The following GDAP1 variants were observed in gnomAD, a reference collection of about 807,000 sequenced individuals.
The protein encoded by GDAP1 is ganglioside-induced differentiation-associated protein 1.
In GDAP1, 34 loss-of-function variants were observed where a neutral mutation model predicts 40.1. The ratio of observed to expected loss-of-function variants is 0.85; its 90% CI spans 0.64 to 1.13. The LOEUF (loss-of-function observed/expected upper bound fraction) is 1.13, where lower values mean the gene tolerates loss of function less well. Ranked by LOEUF, GDAP1 falls within the 50% of genes most tolerant of loss-of-function variation. The probability of loss-of-function intolerance (pLI) is 0.00; values close to 1 mark genes in which losing one functional copy is unlikely to be tolerated. For synonymous variants in GDAP1, 170 were observed against 157.4 expected, an observed-to-expected ratio of 1.08 and a Z score of -0.60; for missense variants, 374 against 433.7, an observed-to-expected ratio of 0.86 and a Z score of 1.22.
downstream of GDAP1, among the ~76,000 whole-genome samples, chr8:74,369,854 T>C (rs867903818): frequency 4.7e-4 from 71 of 152,158 alleles, no homozygotes; most frequent in African/African-American, 1.6e-3. Flanking sequence ...GATAAGAATG[T>C]GTGCTGACTT....
intron 2 of GDAP1, among the ~76,000 whole-genome samples, chr8:74,396,143 A>C: frequency 6.6e-6 from 1 of 152,166 alleles, no homozygotes; most frequent in East Asian, 1.9e-4. Context: ...TGGAATTTAC[A>C]TTATAATTTT....
At chr8:74,482,119 T>TGGGG (rs112227784) in intron 2 of GDAP1, among the ~76,000 whole-genome samples, 1 of 70,648 alleles carries the variant, frequency 1.4e-5, no homozygotes, top group Non-Finnish European at 3.9e-5. Context: ...GGTTTTTTTT[T>TGGGG]GGGGGGGGGG....
intron 2 of GDAP1, among the ~76,000 whole-genome samples, chr8:74,431,658 T>C (rs977790631): frequency 1.3e-5 from 2 of 151,980 alleles, no homozygotes; most frequent in Non-Finnish European, 2.9e-5. Context: ...ATTTTTTGTA[T>C]TTTTAGTAGA....
chr8:74,449,554 A>T (rs181350822), intron 2 of GDAP1, among the ~76,000 whole-genome samples: 64 of 151,914 alleles, frequency 4.2e-4, no homozygotes, highest in African/African-American at 1.3e-3. Flanking sequence ...TGTTAAATTT[A>T]TTCCCAAGTA....
chr8:74,447,656 G>A (rs1806248679), intron 2 of GDAP1, among the ~76,000 whole-genome samples: 1 of 152,078 alleles, frequency 6.6e-6, no homozygotes, highest in African/African-American at 2.4e-5. Flanking sequence ...CACCCACAAA[G>A]GGTAATAAAA....
At chr8:74,391,186 A>G (rs1810102893) in intron 2 of GDAP1, among the ~76,000 whole-genome samples, 1 of 151,834 alleles carries the variant, frequency 6.6e-6, no homozygotes, top group South Asian at 2.1e-4. Context: ...AGGGTAGTGA[A>G]CGGTTCGGTC....
chr8:74,415,805 A>G (rs1160585002), intron 2 of GDAP1, among the ~76,000 whole-genome samples: 1 of 149,964 alleles, frequency 6.7e-6, no homozygotes, highest in Admixed American at 6.6e-5. Flanking sequence ...CTCAGGTGGC[A>G]GTCACTGGTT....
chr8:74,419,280 G>A (rs1218844314), intron 2 of GDAP1, among the ~76,000 whole-genome samples: 2 of 152,150 alleles, frequency 1.3e-5, no homozygotes, highest in South Asian at 2.1e-4. Flanking sequence ...CCATCCAAAT[G>A]TCTTCCAACA....
chr8:74,469,949 G>A (rs1370253862), intron 2 of GDAP1, among the ~76,000 whole-genome samples: 2 of 151,818 alleles, frequency 1.3e-5, no homozygotes, highest in East Asian at 1.9e-4. Flanking sequence ...ACTCCAGCCT[G>A]GGCAACAAGA....
At chr8:74,423,776 A>G (rs1376637110) in intron 2 of GDAP1, among the ~76,000 whole-genome samples, 1 of 152,046 alleles carries the variant, frequency 6.6e-6, no homozygotes, top group Admixed American at 6.6e-5. Context: ...ACAAGAGAGG[A>G]ACCCCCAAAT....
intron 2 of GDAP1, among the ~76,000 whole-genome samples, chr8:74,463,985 T>A (rs1470467892): frequency 6.6e-6 from 1 of 151,984 alleles, no homozygotes; most frequent in East Asian, 1.9e-4. Context: ...TCAAGAGAAA[T>A]GCTATGAAAC....
At chr8:74,440,882 G>A (rs1305203935) in intron 2 of GDAP1, among the ~76,000 whole-genome samples, 1 of 151,900 alleles carries the variant, frequency 6.6e-6, no homozygotes, top group East Asian at 1.9e-4. Context: ...AATATATATT[G>A]CAAACTCACG....
At chr8:74,403,887 T>C (rs978996745) in intron 2 of GDAP1, among the ~76,000 whole-genome samples, 3 of 150,218 alleles carry the variant, frequency 2.0e-5, no homozygotes, top group Non-Finnish European at 4.4e-5. Context: ...TTTGACAGTC[T>C]ATATCTGCAA....
Position 74,376,441 on chromosome 8 carries a change from C to T in GDAP1, c.165+25120C>T, listed in dbSNP as rs549400917. 5.9e-5 allele frequency among the ~76,000 whole-genome samples: 9 copies of T among 151,710 alleles called. No homozygotes were observed. In the South Asian group the frequency reaches 6.3e-4, roughly 11 times the overall value. On this transcript the variant is annotated intron_variant, in intron 2 of 2. Coordinates refer to the GDAP1 transcript ENST00000523640. ...TTGGCTGACTGCAAGCTCTGCCTCC[C>T]GGGTTCACGCCATTCTCCTGCCTCA...
rs536094903 is a variant in GDAP1, at chr8:74,466,074, C to CACA, written c.166-22603_166-22601dup. Reference sequence around the variant, plus strand: ...ATACTGCCATACTCATTTTCTGTTCCACATTGTTTCTTTTCAGAGGGACGT... The same window carrying CACA: ...ATACTGCCATACTCATTTTCTGTTCCACAACATTGTTTCTTTTCAGAGGGACGT... On this transcript the variant is annotated intron_variant, in intron 2 of 2. Coordinates refer to the GDAP1 transcript ENST00000523640. Among the ~76,000 whole-genome samples the CACA allele has an allele frequency of 1.2e-3, 189 of 152,266 alleles. 1 individual carries two copies. The South Asian group carries it at 0.016, about 13-fold the overall frequency.
rs71271807 is a variant in GDAP1 at position 74,479,986 on chromosome 8, CTT to C, written c.166-8673_166-8672del. The stretch of plus-strand genomic sequence containing the variant: ...CTGAGTGAGTGAAGAAATGGACTCT[CTT>C]TTTTTTTTTTTTTTTTTTGAGATGG... On this transcript the variant is annotated intron_variant, in intron 2 of 2. Coordinates refer to the GDAP1 transcript ENST00000523640. Among the ~76,000 whole-genome samples the C allele has an allele frequency of 5.4e-3, 551 of 102,916 alleles. 7 individuals are homozygous for C. The East Asian group carries it at 0.086, about 16-fold the overall frequency. 67.5% of individuals were successfully genotyped at this position (102,916 alleles called of 152,430 possible).
chr8:74,383,767 T>C (rs1809987923), intron 2 of GDAP1, among the ~76,000 whole-genome samples: 1 of 152,178 alleles, frequency 6.6e-6, no homozygotes, highest in African/African-American at 2.4e-5. Context: ...TTATCAGGTT[T>C]GGTTTTTAGC....
At chr8:74,373,274 T>C (rs1809787402) in intron 2 of GDAP1, among the ~76,000 whole-genome samples, 1 of 152,208 alleles carries the variant, frequency 6.6e-6, no homozygotes, top group Non-Finnish European at 1.5e-5. Flanking sequence ...TTTAAAGTAG[T>C]TTTTTCCAAT....
At chr8:74,458,898 A>C (rs1336449821) in intron 2 of GDAP1, among the ~76,000 whole-genome samples, 1 of 152,106 alleles carries the variant, frequency 6.6e-6, no homozygotes, top group Non-Finnish European at 1.5e-5. Flanking sequence ...GAAGATAGAA[A>C]AGAGGCCAGC....
Sources: allele counts gnomAD v4.1 joint callset (sites outside exome capture counted in the v4.1 genomes callset), GRCh38; gene constraint gnomAD v4.1.1; transcripts MANE v1.5; gene names NCBI Gene and HGNC (gene_info 2026-07-23, HGNC 2026-07-21).